INTS7: variants seen among roughly 807,000 people sequenced by gnomAD.
INTS7 encodes integrator complex subunit 7.
INTS7 carries 46 observed loss-of-function variants against 109.2 expected under a neutral mutation model. The ratio of observed to expected loss-of-function variants is 0.42; its 90% CI spans 0.33 to 0.54. INTS7 has a LOEUF of 0.54. INTS7 is among the 20% of genes least tolerant of loss of function. INTS7 has a pLI of 0.07. For synonymous variants in INTS7, 412 were observed against 402.9 expected (o/e 1.02, Z -0.27); for missense variants, 929 against 1,132.4 (o/e 0.82, Z 2.58).
chr1:211,968,266 T>A (rs957770225), intron 14 of INTS7, among the ~76,000 whole-genome samples: 2 of 152,342 alleles, frequency 1.3e-5, no homozygotes, highest in Non-Finnish European at 2.9e-5. Context: ...GTTATAAACA[T>A]TCTCAAGTTT....
chr1:212,013,474 A>G (rs972769066), intron 4 of INTS7, among the ~76,000 whole-genome samples: 3 of 152,244 alleles, frequency 2.0e-5, no homozygotes, highest in Admixed American at 2.0e-4. Context: ...AAGTTATAGC[A>G]AGGTAAGGTT....
intron 7 of INTS7, among the ~76,000 whole-genome samples, chr1:211,992,646 G>A (rs542448967): frequency 5.3e-5 from 8 of 152,114 alleles, no homozygotes; most frequent in African/African-American, 1.9e-4. Flanking sequence ...TTGTGGTACA[G>A]CACTCCAGCT....
intron 16 of INTS7, among the ~76,000 whole-genome samples, chr1:211,954,048 C>T (rs1384689658): frequency 6.6e-6 from 1 of 152,220 alleles, no homozygotes; most frequent in Non-Finnish European, 1.5e-5. Context: ...TCTCCACATC[C>T]TCTCCAGCAC....
At chr1:211,974,160 C>T (rs1571864988) in intron 13 of INTS7, among the ~76,000 whole-genome samples, 1 of 151,736 alleles carries the variant, frequency 6.6e-6, no homozygotes, top group Non-Finnish European at 1.5e-5. Context: ...TTCTGCTCCA[C>T]ATAAACTAGA....
At chr1:211,962,412 T>G (rs1663675218) in intron 16 of INTS7, among the ~76,000 whole-genome samples, 1 of 152,124 alleles carries the variant, frequency 6.6e-6, no homozygotes, top group Non-Finnish European at 1.5e-5. Flanking sequence ...CAAAGAGACT[T>G]AGACTCCCAC....
intron 18 of INTS7, among the ~76,000 whole-genome samples, chr1:211,945,270 C>G (rs1201740295): frequency 6.6e-6 from 1 of 152,306 alleles, no homozygotes; most frequent in Admixed American, 6.5e-5. Context: ...CAATGAACCA[C>G]TTCTAGTAGG....
intron 17 of INTS7, among the ~76,000 whole-genome samples, chr1:211,948,393 A>G (rs1662932638): frequency 6.6e-6 from 1 of 152,244 alleles, no homozygotes; most frequent in African/African-American, 2.4e-5. Flanking sequence ...AAGTATTTGC[A>G]GAGACATCCA....
In INTS7 at chr1:212,000,989, G is replaced by A. The variant is rs765309695; in HGVS notation, c.879+5650C>T. ...CAATAAAAAACAAGTTTACTCCTCC[G>A]AGGATAAAAACAAACAAACAGCATA... is the stretch of plus-strand genomic sequence containing the variant. On this transcript the variant is annotated intron_variant, in intron 7 of 19. Transcript: ENST00000366994. Among the ~76,000 whole-genome samples, 7 of 150,998 alleles carry A rather than the reference G, an allele frequency of 4.6e-5. No individual in the cohort carries two copies. In the Middle Eastern group the frequency reaches 0.01, roughly 223 times the overall value.
intron 2 of INTS7, 102 bp downstream of exon 2, chr1:212,020,981 A>G: frequency 9.5e-7 from 1 of 1,057,838 alleles, no homozygotes; most frequent in Non-Finnish European, 1.4e-6. Context: ...AATGGTAACT[A>G]ACCAGGTGGA....
At chr1:212,020,850 T>C (rs1006994674) in intron 2 of INTS7, 4 of 601,824 alleles carry the variant, frequency 6.6e-6, no homozygotes, top group South Asian at 5.7e-5. Flanking sequence ...AATATTAAGG[T>C]TGTCTTAATT....
rs1662695324 is a variant in INTS7, at chr1:211,942,847, A to T, written c.2602-736T>A. Among the ~76,000 whole-genome samples the T allele has an allele frequency of 6.6e-6, 1 of 152,250 alleles. No homozygotes were observed. Among genetic ancestry groups the T allele is most frequent in the African/African-American group, 2.4e-5 (1 of 41,458 alleles). ...CCTGTACCCAAGATGAAACGTGTCA[A>T]GAGACAGATTTATCCTGAGAATGCA... On this transcript the variant is annotated intron_variant, in intron 19 of 19. Coordinates refer to ENST00000366994, the MANE Select transcript of INTS7 (RefSeq NM_015434.4). The surrounding 1 kb of genome is among the most constrained non-coding windows in gnomAD (Gnocchi z 4.2).
intron 8 of INTS7, among the ~76,000 whole-genome samples, chr1:211,986,235 G>A (rs1664887768): frequency 6.6e-6 from 1 of 151,990 alleles, no homozygotes; most frequent in Admixed American, 6.6e-5. Flanking sequence ...GCATGTGAAT[G>A]AGGCCGTCTT....
chr1:212,011,442 G>T, intron 4 of INTS7, 21 bp from the exon 5 acceptor site: 1 of 1,518,178 alleles, frequency 6.6e-7, no homozygotes, highest in Non-Finnish European at 9.0e-7. Context: ...AGAGAACAGA[G>T]AACAGAAAAA....
chr1:211,983,712 G>C (rs143824806), intron 8 of INTS7, among the ~76,000 whole-genome samples: 1 of 152,146 alleles, frequency 6.6e-6, no homozygotes, highest in South Asian at 2.1e-4. Flanking sequence ...TGAAAGAGAC[G>C]CTACTAAGAA....
chr1:212,007,169 T>C (rs950144733), intron 6 of INTS7, 81 bp downstream of exon 6: 12 of 998,424 alleles, frequency 1.2e-5, no homozygotes, highest in South Asian at 4.3e-5. Context: ...TCAAGACTTG[T>C]GGGCCACTTT....
chr1:211,997,333 C>T (rs1665445822), intron 7 of INTS7, among the ~76,000 whole-genome samples: 1 of 151,568 alleles, frequency 6.6e-6, no homozygotes, highest in African/African-American at 2.4e-5. Context: ...TCATTTGAGA[C>T]CCGGAGCTTG....
At chr1:212,017,087 A>T (rs1666478280) in intron 3 of INTS7, 64 bp from the exon 4 acceptor site, 7 of 1,367,914 alleles carry the variant, frequency 5.1e-6, no homozygotes, top group Non-Finnish European at 6.9e-6. Context: ...GAAAAGTAAG[A>T]GGCAAGGCAA....
intron 18 of INTS7, among the ~76,000 whole-genome samples, chr1:211,945,764 C>A (rs1662821727): frequency 6.6e-6 from 1 of 152,220 alleles, no homozygotes; most frequent in Non-Finnish European, 1.5e-5. Context: ...TTAGAAGTGA[C>A]AATTTTCTCC....
At chr1:211,998,351 A>C (rs1665505462) in intron 7 of INTS7, among the ~76,000 whole-genome samples, 1 of 152,266 alleles carries the variant, frequency 6.6e-6, no homozygotes, top group Non-Finnish European at 1.5e-5. Flanking sequence ...GATGGTAATC[A>C]AGACAGTGTA....
Sources: gnomAD v4.1 joint callset for allele counts (sites outside exome capture counted in the v4.1 genomes callset) on GRCh38, gnomAD v4.1.1 for gene constraint, Gnocchi (gnomAD v3.1) non-coding constraint, MANE v1.5 for transcripts, NCBI Gene and HGNC (gene_info 2026-07-23, HGNC 2026-07-21) for gene names.